The following CSMD3 variants were observed in gnomAD, a reference collection of about 807,000 sequenced individuals.
CSMD3 encodes CUB and Sushi multiple domains 3.
CSMD3 carries 177 observed loss-of-function variants against 435.2 expected under a neutral mutation model. The observed-to-expected ratio is 0.41, with a 90% confidence interval of 0.36 to 0.46. The LOEUF (loss-of-function observed/expected upper bound fraction) is 0.46. Ranked by LOEUF, CSMD3 falls within the 20% of genes least tolerant of loss-of-function variation. The pLI, the probability that CSMD3 is intolerant of heterozygous loss-of-function variation, is 0.34. For missense variants in CSMD3, 4,265 were observed against 4,504.6 expected (o/e 0.95, Z 1.52); for synonymous variants, 1,656 against 1,520.5 (o/e 1.09, Z -2.07).
intron 13 of CSMD3, among the ~76,000 whole-genome samples, chr8:112,756,332 C>A (rs1379660124): frequency 6.6e-6 from 1 of 152,236 alleles, no homozygotes; most frequent in Admixed American, 6.5e-5. Context: ...GGTAACCAAA[C>A]AACAATAATG....
chr8:113,368,397 C>A (rs2094326638), intron 1 of CSMD3, among the ~76,000 whole-genome samples: 1 of 152,060 alleles, frequency 6.6e-6, no homozygotes, highest in South Asian at 2.1e-4. Flanking sequence ...CTTCAGTCCC[C>A]AGAACTTTAC....
intron 13 of CSMD3, among the ~76,000 whole-genome samples, chr8:112,777,483 G>C (rs2078274989): frequency 6.6e-6 from 1 of 151,718 alleles, no homozygotes; most frequent in South Asian, 2.1e-4. Flanking sequence ...ACAATTGCCA[G>C]TATGTTCAAA....
chr8:113,167,044 A>C (rs766578706), intron 4 of CSMD3, among the ~76,000 whole-genome samples: 1 of 152,120 alleles, frequency 6.6e-6, no homozygotes, highest in Non-Finnish European at 1.5e-5. Flanking sequence ...TTAAGGTTTT[A>C]TATCTTCTCA....
intron 38 of CSMD3, among the ~76,000 whole-genome samples, chr8:112,354,341 A>T (rs1327684805): frequency 2.0e-5 from 3 of 152,188 alleles, no homozygotes; most frequent in African/African-American, 7.2e-5. Flanking sequence ...TGGAAGTCCT[A>T]GCCAGAGCAA....
chr8:112,480,076 C>A (rs943952879), intron 31 of CSMD3, among the ~76,000 whole-genome samples: 1 of 152,220 alleles, frequency 6.6e-6, no homozygotes, highest in South Asian at 2.1e-4. Flanking sequence ...CCTTGGGAGT[C>A]CACCCCTCAC....
At chr8:113,282,276 A>G (rs547687202) in intron 2 of CSMD3, among the ~76,000 whole-genome samples, 6 of 152,134 alleles carry the variant, frequency 3.9e-5, no homozygotes, top group African/African-American at 1.4e-4. Context: ...AGTAAAGAGG[A>G]AGCCAAACTG....
At chr8:112,980,941 A>C (rs956111968) in intron 6 of CSMD3, among the ~76,000 whole-genome samples, 1 of 151,484 alleles carries the variant, frequency 6.6e-6, no homozygotes, top group Non-Finnish European at 1.5e-5. Context: ...AGTAGCCCTT[A>C]AAACTGTAGG....
intron 53 of CSMD3, among the ~76,000 whole-genome samples, chr8:112,299,746 A>T (rs546005010): frequency 1.3e-5 from 2 of 152,266 alleles, no homozygotes; most frequent in African/African-American, 4.8e-5. Context: ...CTTAAGGTCA[A>T]TTCACAGTGT....
intron 23 of CSMD3, among the ~76,000 whole-genome samples, chr8:112,581,731 T>C (rs1446872404): frequency 6.6e-6 from 1 of 152,058 alleles, no homozygotes; most frequent in East Asian, 1.9e-4. Flanking sequence ...TGCGTTCTAT[T>C]GGAGAAGACA....
chr8:113,056,199 G>C (rs184364480), intron 5 of CSMD3, among the ~76,000 whole-genome samples: 6 of 152,280 alleles, frequency 3.9e-5, no homozygotes, highest in Admixed American at 1.3e-4. Context: ...TGCTTGAACA[G>C]AGCAGAGGAA....
intron 35 of CSMD3, among the ~76,000 whole-genome samples, chr8:112,400,062 A>C (rs766333697): frequency 6.6e-6 from 1 of 152,284 alleles, no homozygotes; most frequent in Non-Finnish European, 1.5e-5. Context: ...GGTTTTTGTT[A>C]CAGTAGCACC....
intron 49 of CSMD3, 152 bp downstream of exon 49, chr8:112,313,754 G>A: frequency 4.9e-6 from 3 of 609,856 alleles, no homozygotes; most frequent in Non-Finnish European, 2.9e-6. Context: ...ATTACAATAG[G>A]AAATAGAGAG....
chr8:112,763,435 A>T (rs576716362), intron 13 of CSMD3, among the ~76,000 whole-genome samples: 1 of 151,070 alleles, frequency 6.6e-6, no homozygotes, highest in East Asian at 1.9e-4. Flanking sequence ...AATTATCCTA[A>T]TATATTTACT....
intron 62 of CSMD3, 141 bp downstream of exon 62, chr8:112,255,113 C>T: frequency 1.6e-6 from 1 of 629,208 alleles, no homozygotes; most frequent in Non-Finnish European, 2.7e-6. Context: ...TATTCATTTC[C>T]AGTGCCTTCT....
At chr8:112,506,322 G>T (rs1276463337) in intron 29 of CSMD3, among the ~76,000 whole-genome samples, 6 of 152,106 alleles carry the variant, frequency 3.9e-5, no homozygotes, top group Non-Finnish European at 8.8e-5. Flanking sequence ...AAAAGGAATT[G>T]TGCTACTAGA....
chr8:112,403,746 G>C (rs1390490614), intron 35 of CSMD3, among the ~76,000 whole-genome samples: 1 of 152,010 alleles, frequency 6.6e-6, no homozygotes, highest in Non-Finnish European at 1.5e-5. Flanking sequence ...TTCAACATAA[G>C]AATCTGTGTG....
intron 4 of CSMD3, among the ~76,000 whole-genome samples, chr8:113,123,013 C>A (rs1441815484): frequency 6.6e-6 from 1 of 151,400 alleles, no homozygotes; most frequent in Admixed American, 6.6e-5. Context: ...ATTAACTTAG[C>A]TGACCAACAT....
intron 3 of CSMD3, among the ~76,000 whole-genome samples, chr8:113,244,743 G>C (rs1443011345): frequency 6.6e-6 from 1 of 152,122 alleles, no homozygotes; most frequent in Non-Finnish European, 1.5e-5. Context: ...ATAAATATAA[G>C]GGTTTATATC....
chr8:112,609,082 A>G (rs745771365), intron 22 of CSMD3, among the ~76,000 whole-genome samples: 4 of 151,504 alleles, frequency 2.6e-5, no homozygotes, highest in Non-Finnish European at 4.4e-5. Context: ...CATGCCTGTA[A>G]TCCCAGCTAC....
Sources: allele counts gnomAD v4.1 joint callset (sites outside exome capture counted in the v4.1 genomes callset), GRCh38; gene constraint gnomAD v4.1.1; transcripts MANE v1.5; gene names NCBI Gene and HGNC (gene_info 2026-07-23, HGNC 2026-07-21).